The following ARHGEF11 variants were observed in gnomAD, a reference collection of about 807,000 sequenced individuals.
ARHGEF11 encodes the protein Rho guanine nucleotide exchange factor 11.
In ARHGEF11, 55 loss-of-function variants were observed where a neutral mutation model predicts 193.7. The ratio of observed to expected loss-of-function variants is 0.28; its 90% CI spans 0.23 to 0.36. The LOEUF is 0.36. Ranked by LOEUF, ARHGEF11 falls within the 10% of genes least tolerant of loss-of-function variation. The pLI is 1.00. For missense variants in ARHGEF11, 1,723 were observed against 2,005.6 expected, an observed-to-expected ratio of 0.86 and a Z score of 2.69; for synonymous variants, 693 against 768.0, an observed-to-expected ratio of 0.90 and a Z score of 1.62.
intron 26 of ARHGEF11, 66 bp downstream of exon 26, chr1:156,947,238 G>C (rs1466437446): frequency 2.4e-5 from 37 of 1,554,520 alleles, no homozygotes; most frequent in Non-Finnish European, 3.1e-5. Context: ...CTGGCAGTGG[G>C]GCCAAAGTGG....
chr1:156,997,775 A>G (rs757296590), intron 1 of ARHGEF11, among the ~76,000 whole-genome samples: 2 of 152,222 alleles, frequency 1.3e-5, no homozygotes, highest in South Asian at 2.1e-4. Context: ...AAATATCTCA[A>G]TAACTTTTTA....
At chr1:157,022,545 A>G (rs1670117641) in intron 1 of ARHGEF11, among the ~76,000 whole-genome samples, 1 of 152,218 alleles carries the variant, frequency 6.6e-6, no homozygotes, top group Non-Finnish European at 1.5e-5. Flanking sequence ...ATAGAAAGAC[A>G]TCCATGTTTA....
chr1:157,044,396 C>A lies in ARHGEF11; in HGVS notation c.-66G>T, dbSNP rs1673125590. 2 of 1,562,856 alleles carry A rather than the reference C, an allele frequency of 1.3e-6. No individual in the cohort carries two copies. The highest frequency in any genetic ancestry group is 3.4e-5 in the Admixed American group (2 of 58,578). On this transcript the variant is annotated 5_prime_UTR_variant, in exon 1 of 41. Transcript: ENST00000368194. ...TGGTGTCTTGATCAGGATTGAATCG[C>A]TTGCAATTTTTGAGCAAGGTGAGAG...
In ARHGEF11 at chr1:156,937,562, C is replaced by T. The variant is rs553372181; in HGVS notation, c.4193-66G>A. The T allele has an allele frequency of 4.7e-6, 7 of 1,476,872 alleles. No individual in the cohort carries two copies. In the South Asian group the frequency reaches 9.7e-5, roughly 20 times the overall value. 91.5% of individuals were successfully genotyped at this position (1,476,872 alleles called of 1,614,324 possible). On this transcript the variant is annotated intron_variant, in intron 38 of 40. Transcript: ENST00000368194. Reference sequence around the variant, plus strand: ...AGAAGTCGAAGCTATCCTCCCGTTCCTGTGGGATTCCCCAGCCACCTGACA... The same window carrying T: ...AGAAGTCGAAGCTATCCTCCCGTTCTTGTGGGATTCCCCAGCCACCTGACA...
At chr1:157,036,373 G>A (rs910774899) in intron 1 of ARHGEF11, among the ~76,000 whole-genome samples, 2 of 151,814 alleles carry the variant, frequency 1.3e-5, no homozygotes, top group African/African-American at 4.8e-5. Context: ...CCAGGCTGGA[G>A]TGCAGGGGTG....
rs376428993 is a variant in ARHGEF11 at position 157,024,154 on chromosome 1, G to A, written c.32+20145C>T. On this transcript the variant is annotated intron_variant, in intron 1 of 40. Transcript: ENST00000368194. The stretch of plus-strand genomic sequence containing the variant: ...CACCACAATGAACCTTTAAAGTATC[G>A]TGCTAAGTGAAAGAAGCCAGATACA... Among the ~76,000 whole-genome samples, 13 of 152,216 alleles carry A rather than the reference G, an allele frequency of 8.5e-5. No individual in the cohort carries two copies. The East Asian group carries it at 9.7e-4, about 11-fold the overall frequency.
intron 1 of ARHGEF11, among the ~76,000 whole-genome samples, chr1:157,024,109 T>G (rs1238694407): frequency 7.0e-6 from 1 of 142,580 alleles, no homozygotes; most frequent in Non-Finnish European, 1.6e-5. Flanking sequence ...CATAAAAAAA[T>G]GAAGTATTGA....
chr1:156,955,264 G>A (rs373508972), intron 20 of ARHGEF11, among the ~76,000 whole-genome samples: 3 of 151,392 alleles, frequency 2.0e-5, no homozygotes, highest in Non-Finnish European at 2.9e-5. Flanking sequence ...GAATCTCTGG[G>A]TCCCAAACTT....
intron 15 of ARHGEF11, among the ~76,000 whole-genome samples, chr1:156,959,387 C>T (rs1449348127): frequency 1.3e-5 from 2 of 152,172 alleles, no homozygotes; most frequent in Non-Finnish European, 2.9e-5. Flanking sequence ...GTTCTGTGCT[C>T]CATTAAGAGA....
At chr1:156,964,947 CT>C (rs1661492508) in intron 11 of ARHGEF11, among the ~76,000 whole-genome samples, 1 of 152,092 alleles carries the variant, frequency 6.6e-6, no homozygotes, top group South Asian at 2.1e-4. Flanking sequence ...AATACATATT[CT>C]TTCTGATTAC....
At chr1:157,000,335 T>C (rs1572410) in intron 1 of ARHGEF11, among the ~76,000 whole-genome samples, 35,914 of 152,188 alleles carry the variant, frequency 0.24, 4,507 homozygotes, top group East Asian at 0.43. Context: ...TAAATCATCA[T>C]GAAAGTGATA....
At chr1:157,013,551 CCTCT>C (rs1446737970) in intron 1 of ARHGEF11, among the ~76,000 whole-genome samples, 2 of 152,030 alleles carry the variant, frequency 1.3e-5, no homozygotes, top group Non-Finnish European at 2.9e-5. Context: ...ATTCTCCCTC[CCTCT>C]ATTACAACAC....
chr1:157,010,829 G>A (rs1668455022), intron 1 of ARHGEF11, among the ~76,000 whole-genome samples: 1 of 152,142 alleles, frequency 6.6e-6, no homozygotes, highest in African/African-American at 2.4e-5. Flanking sequence ...CAAAATAAGT[G>A]CAAGACCTGT....
At position 156,946,217 on chromosome 1, in the gene ARHGEF11, T is replaced by C. The variant is rs998798301; in HGVS notation, c.2695-55A>G. ...GATGTCAGCGTGGCTGGGAGCTGGC[T>C]TATGGGCTCAGGGCCAAGATGGGTG... is the stretch of plus-strand genomic sequence containing the variant. On this transcript the variant is annotated intron_variant, in intron 28 of 40. Transcript: ENST00000368194. 10 of 1,507,308 alleles carry C rather than the reference T, an allele frequency of 6.6e-6. No individual in the cohort carries two copies. In the Admixed American group the frequency reaches 6.7e-5, roughly 10 times the overall value. The allele number at this position is 1,507,308 out of a possible 1,614,324, so 93.4% of individuals were successfully genotyped here. A position where few individuals can be genotyped will look rare whatever the true frequency, so the allele number is the denominator to read the frequency against.
intron 1 of ARHGEF11, among the ~76,000 whole-genome samples, chr1:157,021,493 T>C (rs1012812298): frequency 5.3e-5 from 8 of 152,204 alleles, no homozygotes; most frequent in African/African-American, 1.9e-4. Flanking sequence ...GATTAGGTGG[T>C]CATGTAATGA....
At chr1:157,039,275 G>A (rs945190812) in intron 1 of ARHGEF11, among the ~76,000 whole-genome samples, 2 of 152,204 alleles carry the variant, frequency 1.3e-5, no homozygotes, top group East Asian at 3.8e-4. Context: ...CTGAAAGAAC[G>A]TAATAGCTAA....
At chr1:157,033,567 T>TA (rs879283527) in intron 1 of ARHGEF11, among the ~76,000 whole-genome samples, 19 of 152,178 alleles carry the variant, frequency 1.2e-4, no homozygotes, top group Admixed American at 2.0e-4. Flanking sequence ...ACCCTCTATT[T>TA]AAAATCTCAC....
intron 1 of ARHGEF11, among the ~76,000 whole-genome samples, chr1:157,009,241 T>TTA (rs1214684251): frequency 6.6e-6 from 1 of 152,218 alleles, no homozygotes; most frequent in African/African-American, 2.4e-5. Context: ...TAAAATGGAC[T>TTA]TATACTTAAT....
chr1:156,968,557 C>G (rs935904136), intron 10 of ARHGEF11, among the ~76,000 whole-genome samples: 6 of 152,194 alleles, frequency 3.9e-5, no homozygotes, highest in Non-Finnish European at 8.8e-5. Context: ...CATACCGATC[C>G]TTTCACATAT....
Sources: gnomAD v4.1 joint callset for allele counts (sites outside exome capture counted in the v4.1 genomes callset) on GRCh38, gnomAD v4.1.1 for gene constraint, MANE v1.5 for transcripts, NCBI Gene and HGNC (gene_info 2026-07-23, HGNC 2026-07-21) for gene names.